The following TGFBR2 variants were observed in gnomAD, a reference collection of about 807,000 sequenced individuals.
TGFBR2 encodes transforming growth factor beta receptor 2.
Under a neutral mutation model 49.0 loss-of-function variants are expected in TGFBR2, and 18 were observed. That is an observed-to-expected ratio of 0.37 (90% CI 0.25 to 0.54). TGFBR2 has a LOEUF of 0.54. Among genes scored for constraint, TGFBR2 ranks in the 20% least tolerant of loss-of-function variants. The probability of loss-of-function intolerance (pLI) is 0.85; values close to 1 mark genes in which losing one functional copy is unlikely to be tolerated. For synonymous variants in TGFBR2, 282 were observed against 275.9 expected, an observed-to-expected ratio of 1.02 and a Z score of -0.22; for missense variants, 525 against 722.6, an observed-to-expected ratio of 0.73 and a Z score of 3.13.
chr3:30,623,565 C>A (rs1413353723), intron 1 of TGFBR2, among the ~76,000 whole-genome samples: 2 of 152,136 alleles, frequency 1.3e-5, no homozygotes, highest in African/African-American at 4.8e-5. Context: ...TTCCCCTTTT[C>A]TTATGGGGAC....
intron 1 of TGFBR2, among the ~76,000 whole-genome samples, chr3:30,611,148 T>C (rs1308363434): frequency 1.3e-5 from 2 of 152,190 alleles, no homozygotes; most frequent in Admixed American, 6.5e-5. Context: ...TTTAATCCTC[T>C]CAATCTTATT....
intron 1 of TGFBR2, among the ~76,000 whole-genome samples, chr3:30,621,338 T>C (rs1419275575): frequency 2.2e-5 from 3 of 135,850 alleles, no homozygotes; most frequent in Non-Finnish European, 4.6e-5. Context: ...TGGAGTACAA[T>C]GGCACGACCT....
chr3:30,652,118 C>A (rs1172356928), intron 3 of TGFBR2, among the ~76,000 whole-genome samples: 2 of 152,138 alleles, frequency 1.3e-5, no homozygotes, highest in Admixed American at 6.5e-5. Context: ...TCTCAGTGAA[C>A]TGAAGGCAGG....
intron 1 of TGFBR2, among the ~76,000 whole-genome samples, chr3:30,632,806 A>G (rs372492884): frequency 1.3e-5 from 2 of 152,192 alleles, no homozygotes; most frequent in African/African-American, 4.8e-5. Context: ...AAATCAGGAA[A>G]TGGAGGTTTC....
At chr3:30,690,675 G>C (rs926865032) in intron 6 of TGFBR2, among the ~76,000 whole-genome samples, 4 of 152,114 alleles carry the variant, frequency 2.6e-5, no homozygotes, top group African/African-American at 9.7e-5. Flanking sequence ...CTCTGGAAAA[G>C]GCAAAAACTA....
At chr3:30,685,371 A>G (rs1260806913) in intron 5 of TGFBR2, among the ~76,000 whole-genome samples, 1 of 152,208 alleles carries the variant, frequency 6.6e-6, no homozygotes, top group East Asian at 1.9e-4. Flanking sequence ...ATTCACTGAG[A>G]CAAAGGCCTA....
chr3:30,667,292 T>A (rs1014205832), intron 3 of TGFBR2, among the ~76,000 whole-genome samples: 4 of 152,216 alleles, frequency 2.6e-5, no homozygotes, highest in African/African-American at 4.8e-5. Context: ...GGTCTTCGAC[T>A]AAAGGAGATG....
At chr3:30,670,114 G>A (rs139206661) in intron 3 of TGFBR2, among the ~76,000 whole-genome samples, 5 of 152,136 alleles carry the variant, frequency 3.3e-5, no homozygotes, top group African/African-American at 4.8e-5. Context: ...GTGCAGAGTG[G>A]TCAGTATGGG....
chr3:30,620,549 TTC>T (rs1231389661), intron 1 of TGFBR2, among the ~76,000 whole-genome samples: 1 of 152,072 alleles, frequency 6.6e-6, no homozygotes, highest in Non-Finnish European at 1.5e-5. Context: ...AGTCTTTAGT[TTC>T]TGTGAATTTT....
At chr3:30,617,082 G>GA (rs71093915) in intron 1 of TGFBR2, among the ~76,000 whole-genome samples, 84 of 147,168 alleles carry the variant, frequency 5.7e-4, no homozygotes, top group African/African-American at 1.3e-3. Context: ...TATTTTTTGG[G>GA]AAAAAAAAAA....
intron 3 of TGFBR2, among the ~76,000 whole-genome samples, chr3:30,660,838 G>A (rs985729286): frequency 2.6e-5 from 4 of 152,200 alleles, no homozygotes; most frequent in Admixed American, 6.5e-5. Context: ...AGGTTGGATG[G>A]CAAGGTTTGG....
chr3:30,633,697 C>T (rs998581733), intron 1 of TGFBR2, among the ~76,000 whole-genome samples: 1 of 152,146 alleles, frequency 6.6e-6, no homozygotes, highest in Non-Finnish European at 1.5e-5. Context: ...TGTGGGCCCA[C>T]TGTTTCCAAG....
At chr3:30,618,592 C>T (rs1698173103) in intron 1 of TGFBR2, among the ~76,000 whole-genome samples, 1 of 152,136 alleles carries the variant, frequency 6.6e-6, no homozygotes, top group Non-Finnish European at 1.5e-5. Context: ...CCTCATTAGG[C>T]ATTTACTCAC....
intron 3 of TGFBR2, among the ~76,000 whole-genome samples, chr3:30,670,800 G>T (rs1172644992): frequency 6.6e-6 from 1 of 152,202 alleles, no homozygotes; most frequent in Admixed American, 6.5e-5. Context: ...TACCTTTGCG[G>T]CCATGTTTCC....
intron 5 of TGFBR2, among the ~76,000 whole-genome samples, chr3:30,685,274 T>A (rs534527732): frequency 1.9e-3 from 293 of 152,338 alleles, no homozygotes; most frequent in Middle Eastern, 6.8e-3. Context: ...AGAATGTTCT[T>A]CCTGGTTTAG....
At chr3:30,611,605 G>T (rs1001821571) in intron 1 of TGFBR2, among the ~76,000 whole-genome samples, 3 of 87,152 alleles carry the variant, frequency 3.4e-5, no homozygotes, top group Admixed American at 1.4e-4. Context: ...TTCATAGAAG[G>T]GTGTCGGAAA....
At chr3:30,623,057 T>C in intron 1 of TGFBR2, 3 of 644,286 alleles carry the variant, frequency 4.7e-6, no homozygotes, top group Non-Finnish European at 8.4e-6. Context: ...AGAAAACATA[T>C]TGACCATGTC....
In TGFBR2 at chr3:30,609,027, C is replaced by T. The variant is rs1377623314; in HGVS notation, c.94+2050C>T. Among the ~76,000 whole-genome samples the T allele has an allele frequency of 3.3e-5, 5 of 152,162 alleles. No homozygotes were observed. In the East Asian group the frequency reaches 5.8e-4, roughly 18 times the overall value. The stretch of plus-strand genomic sequence containing the variant: ...TGCAAATTCCAGACCCAATAGTTCA[C>T]GAGTCACTTTCATTTCATCAATATA... On this transcript the variant is annotated intron_variant, in intron 1 of 6. Coordinates refer to ENST00000295754, the MANE Select transcript of TGFBR2 (RefSeq NM_003242.6).
chr3:30,658,280 A>G (rs1276966017), intron 3 of TGFBR2, among the ~76,000 whole-genome samples: 1 of 152,218 alleles, frequency 6.6e-6, no homozygotes, highest in African/African-American at 2.4e-5. Context: ...CTACACATTT[A>G]GCATACTAAT....
Sources: gnomAD v4.1 joint callset for allele counts (sites outside exome capture counted in the v4.1 genomes callset) on GRCh38, gnomAD v4.1.1 for gene constraint, MANE v1.5 for transcripts, NCBI Gene and HGNC (gene_info 2026-07-23, HGNC 2026-07-21) for gene names.